The following CDH18 variants were observed in gnomAD, a reference collection of about 807,000 sequenced individuals.
CDH18 encodes cadherin 18.
Under a neutral mutation model 67.9 loss-of-function variants are expected in CDH18, and 31 were observed. That is an observed-to-expected ratio of 0.46 (90% CI 0.34 to 0.62). The LOEUF (loss-of-function observed/expected upper bound fraction) is 0.62. Among genes scored for constraint, CDH18 ranks in the 20% least tolerant of loss-of-function variants. CDH18 has a pLI of 0.01. For synonymous variants in CDH18, 362 were observed against 347.2 expected (o/e 1.04, Z -0.48); for missense variants, 890 against 975.5 (o/e 0.91, Z 1.17).
intron 1 of CDH18, among the ~76,000 whole-genome samples, chr5:20,571,144 C>T (rs1298243221): frequency 1.3e-5 from 2 of 152,104 alleles, no homozygotes; most frequent in African/African-American, 4.8e-5. Context: ...TTCTCATACT[C>T]TGTGAGACAT....
chr5:20,417,615 G>A (rs1013532593), intron 1 of CDH18, among the ~76,000 whole-genome samples: 1 of 152,162 alleles, frequency 6.6e-6, no homozygotes, highest in Non-Finnish European at 1.5e-5. Flanking sequence ...TCTACGACAT[G>A]TCATTTATTT....
chr5:20,196,855 A>C (rs999974975), intron 2 of CDH18, among the ~76,000 whole-genome samples: 2 of 152,182 alleles, frequency 1.3e-5, no homozygotes, highest in African/African-American at 4.8e-5. Context: ...TAATTATCTG[A>C]ATTGTTTGCC....
rs3065076 is a variant in CDH18 at position 20,005,415 on chromosome 5, T to TACACACAC, written c.-517-13409_-517-13402dup. ...TATAAACAAAGTATATATATATATG[T>TACACACAC]ACACACACACACACACACACACACA... On this transcript the variant is annotated intron_variant, in intron 2 of 14. Coordinates refer to the CDH18 transcript ENST00000507958. Among the ~76,000 whole-genome samples, 13 of 147,194 alleles carry TACACACAC rather than the reference T, an allele frequency of 8.8e-5. No homozygotes were observed. In the Middle Eastern group the frequency reaches 0.022, roughly 250 times the overall value.
At chr5:20,075,767 CCT>C (rs1743875409) in intron 2 of CDH18, among the ~76,000 whole-genome samples, 1 of 151,982 alleles carries the variant, frequency 6.6e-6, no homozygotes, top group Non-Finnish European at 1.5e-5. Context: ...GCAAAATTCC[CCT>C]GTGTTGATGA....
chr5:20,149,286 T>C (rs1750913938), intron 2 of CDH18, among the ~76,000 whole-genome samples: 2 of 152,220 alleles, frequency 1.3e-5, no homozygotes, highest in Non-Finnish European at 2.9e-5. Flanking sequence ...TGGGGGTGTC[T>C]GCATTTTCCA....
In CDH18 at chr5:20,230,752, G is replaced by A. The variant is rs372585398; in HGVS notation, c.-518+24692C>T. Among the ~76,000 whole-genome samples the A allele has an allele frequency of 3.3e-5, 5 of 151,930 alleles. No individual in the cohort carries two copies. In the East Asian group the frequency reaches 5.8e-4, roughly 18 times the overall value. On this transcript the variant is annotated intron_variant, in intron 2 of 14. Coordinates refer to the CDH18 transcript ENST00000507958. ...ATAAAATGATTTTTTGTTATTCTAG[G>A]TCTTCTAGAATAGTTTTATTTTCTA... is the stretch of plus-strand genomic sequence containing the variant.
intron 4 of CDH18, among the ~76,000 whole-genome samples, chr5:19,723,079 A>AT (rs916729167): frequency 4.6e-5 from 7 of 151,210 alleles, no homozygotes; most frequent in African/African-American, 7.3e-5. Context: ...CACACACAAA[A>AT]TTTTTTTTTG....
intron 5 of CDH18, among the ~76,000 whole-genome samples, chr5:19,703,390 C>T (rs1251025261): frequency 6.6e-6 from 1 of 152,192 alleles, no homozygotes; most frequent in Admixed American, 6.5e-5. Flanking sequence ...AACCTTTTCA[C>T]AATGATGATG....
intron 1 of CDH18, among the ~76,000 whole-genome samples, chr5:20,563,581 G>T (rs1581206263): frequency 6.6e-6 from 1 of 152,042 alleles, no homozygotes; most frequent in East Asian, 1.9e-4. Context: ...AAGTTCTAGG[G>T]TACATGTGTA....
At chr5:20,207,964 A>G (rs1377225547) in intron 2 of CDH18, among the ~76,000 whole-genome samples, 4 of 152,126 alleles carry the variant, frequency 2.6e-5, no homozygotes, top group African/African-American at 9.7e-5. Flanking sequence ...GCATAAAAAC[A>G]AACATAAACA....
chr5:20,552,405 A>G (rs1434331491), intron 1 of CDH18, among the ~76,000 whole-genome samples: 2 of 152,108 alleles, frequency 1.3e-5, no homozygotes, highest in Non-Finnish European at 2.9e-5. Flanking sequence ...TGAACCCGTG[A>G]GGTGGAGTTT....
At chr5:20,000,324 A>C (rs1248167671) in intron 2 of CDH18, among the ~76,000 whole-genome samples, 1 of 152,230 alleles carries the variant, frequency 6.6e-6, no homozygotes, top group African/African-American at 2.4e-5. Flanking sequence ...ACAACCAAAA[A>C]GATATAATGA....
chr5:20,561,780 T>A (rs563201999), intron 1 of CDH18, among the ~76,000 whole-genome samples: 1 of 152,098 alleles, frequency 6.6e-6, no homozygotes, highest in South Asian at 2.1e-4. Context: ...GCAATAAAAA[T>A]GGTTTTCTAA....
intron 2 of CDH18, among the ~76,000 whole-genome samples, chr5:20,007,158 A>C (rs1222639538): frequency 6.6e-6 from 1 of 151,964 alleles, no homozygotes; most frequent in Non-Finnish European, 1.5e-5. Context: ...ATATATAAGT[A>C]AAGAAATAAT....
chr5:19,578,287 C>A (rs1461913106), intron 7 of CDH18, among the ~76,000 whole-genome samples: 1 of 152,110 alleles, frequency 6.6e-6, no homozygotes, highest in Non-Finnish European at 1.5e-5. Context: ...GTTATGTGCT[C>A]TTCCAGGTTT....
intron 1 of CDH18, among the ~76,000 whole-genome samples, chr5:20,366,129 T>C (rs1198000026): frequency 2.0e-5 from 3 of 152,210 alleles, no homozygotes; most frequent in African/African-American, 7.2e-5. Context: ...TGATTGATTA[T>C]GTAAACTGAA....
chr5:20,532,446 A>G (rs1467285923), intron 1 of CDH18, among the ~76,000 whole-genome samples: 1 of 152,070 alleles, frequency 6.6e-6, no homozygotes, highest in Non-Finnish European at 1.5e-5. Flanking sequence ...TTTTTGTACT[A>G]TCTTGCTCTC....
intron 2 of CDH18, among the ~76,000 whole-genome samples, chr5:19,935,084 T>C (rs914020008): frequency 1.3e-5 from 2 of 151,258 alleles, no homozygotes; most frequent in Admixed American, 6.6e-5. Flanking sequence ...TTTCAGGGGA[T>C]GTTCTTTCAT....
At chr5:20,328,910 A>G (rs565231456) in intron 1 of CDH18, among the ~76,000 whole-genome samples, 82 of 126,220 alleles carry the variant, frequency 6.5e-4, no homozygotes, top group African/African-American at 2.0e-3. Flanking sequence ...GAGCCTGGAT[A>G]TGTCCAGACT....
Sources: gnomAD v4.1 joint callset for allele counts (sites outside exome capture counted in the v4.1 genomes callset) on GRCh38, gnomAD v4.1.1 for gene constraint, MANE v1.5 for transcripts, NCBI Gene and HGNC (gene_info 2026-07-23, HGNC 2026-07-21) for gene names.